KCNH5: variants seen among roughly 807,000 people sequenced by gnomAD.
KCNH5 encodes voltage-gated delayed rectifier potassium channel KCNH5.
In KCNH5, 46 loss-of-function variants were observed where a neutral mutation model predicts 96.1. The observed-to-expected ratio is 0.48, with a 90% confidence interval of 0.38 to 0.61. KCNH5 has a LOEUF of 0.61. Ranked by LOEUF, KCNH5 falls within the 20% of genes least tolerant of loss-of-function variation. The pLI is 0.00. For synonymous variants in KCNH5, 439 were observed against 449.8 expected (o/e 0.98, Z 0.30); for missense variants, 907 against 1,225.8 (o/e 0.74, Z 3.88).
intron 2 of KCNH5, among the ~76,000 whole-genome samples, chr14:63,009,880 G>A (rs1374924280): frequency 6.6e-6 from 1 of 152,080 alleles, no homozygotes; most frequent in Non-Finnish European, 1.5e-5. Context: ...ATCAATTTGA[G>A]GGGTCACAAA....
At chr14:62,932,089 T>C (rs1397585669) in intron 7 of KCNH5, among the ~76,000 whole-genome samples, 1 of 151,792 alleles carries the variant, frequency 6.6e-6, no homozygotes, top group Non-Finnish European at 1.5e-5. Context: ...CCCAATTAGA[T>C]CTCCCTACAT....
rs186314547 is a variant in KCNH5 at position 63,031,341 on chromosome 14, G to A, written c.73+13773C>T. Among the ~76,000 whole-genome samples, 470 of 152,106 alleles carry A rather than the reference G, an allele frequency of 3.1e-3. 2 individuals are homozygous for A. Among genetic ancestry groups the A allele is most frequent in the Non-Finnish European group, 5.3e-3 (361 of 67,994 alleles). ...CTACTACATATTAATTCCTAAAGGA[G>A]TTCATACACAAATCATGGGATCAAT... is the stretch of plus-strand genomic sequence containing the variant. On this transcript the variant is annotated intron_variant, in intron 1 of 10. Coordinates refer to ENST00000322893, the MANE Select transcript of KCNH5 (RefSeq NM_139318.5).
intron 6 of KCNH5, among the ~76,000 whole-genome samples, chr14:62,954,422 C>A (rs766819379): frequency 8.5e-5 from 13 of 152,174 alleles, no homozygotes; most frequent in Admixed American, 3.3e-4. Flanking sequence ...AGGAGCAGAT[C>A]TACTGTCAAT....
chr14:62,713,250 CTG>C lies in KCNH5; in HGVS notation c.2020-4797_2020-4796del, dbSNP rs199862909. Among the ~76,000 whole-genome samples, 1,226 of 151,764 alleles carry C rather than the reference CTG, an allele frequency of 8.1e-3. 16 individuals are homozygous for C. The highest frequency in any genetic ancestry group is 0.028 in the African/African-American group (1,168 of 41,386). On this transcript the variant is annotated intron_variant, in intron 10 of 10. Transcript: ENST00000322893. Reference sequence around the variant, plus strand: ...TTTATAGTTCCTTCACTATGTTCCACTGTCTAAACAAAGAATCAGTGCTATCT... The same window carrying C: ...TTTATAGTTCCTTCACTATGTTCCACTCTAAACAAAGAATCAGTGCTATCT...
At chr14:62,853,693 C>A (rs1170024001) in intron 7 of KCNH5, among the ~76,000 whole-genome samples, 1 of 151,518 alleles carries the variant, frequency 6.6e-6, no homozygotes, top group African/African-American at 2.4e-5. Context: ...TGTTTCCGCT[C>A]CTCATTCAGG....
At chr14:62,878,089 G>GC (rs1888413862) in intron 7 of KCNH5, among the ~76,000 whole-genome samples, 1 of 147,654 alleles carries the variant, frequency 6.8e-6, no homozygotes, top group Non-Finnish European at 1.5e-5. Context: ...GTAAACTATC[G>GC]CAAGGACAAA....
intron 9 of KCNH5, among the ~76,000 whole-genome samples, chr14:62,799,696 TATA>T (rs1886612781): frequency 1.4e-5 from 1 of 72,948 alleles, no homozygotes; most frequent in African/African-American, 7.1e-5. Flanking sequence ...TACCTTTATA[TATA>T]TATATATATA....
At chr14:62,741,190 T>G (rs563002639) in intron 10 of KCNH5, among the ~76,000 whole-genome samples, 1 of 152,254 alleles carries the variant, frequency 6.6e-6, no homozygotes, top group Admixed American at 6.5e-5. Context: ...CACGTATTCC[T>G]TAAGAACTTT....
chr14:62,732,927 T>C (rs1463890729), intron 10 of KCNH5, among the ~76,000 whole-genome samples: 1 of 151,880 alleles, frequency 6.6e-6, no homozygotes, highest in Non-Finnish European at 1.5e-5. Context: ...CTCTCTTCTA[T>C]TCTCTCTCAT....
intron 8 of KCNH5, among the ~76,000 whole-genome samples, chr14:62,843,943 A>G (rs1887641102): frequency 6.6e-6 from 1 of 152,182 alleles, no homozygotes; most frequent in Admixed American, 6.5e-5. Context: ...ACAAAATTAA[A>G]CTGTCAAAAG....
chr14:62,939,720 A>G (rs1185713104), intron 7 of KCNH5, among the ~76,000 whole-genome samples: 2 of 152,102 alleles, frequency 1.3e-5, no homozygotes, highest in Non-Finnish European at 2.9e-5. Flanking sequence ...CGGGTGGATC[A>G]CCTGAGGCCA....
At chr14:62,866,276 T>C (rs887775391) in intron 7 of KCNH5, among the ~76,000 whole-genome samples, 2 of 152,266 alleles carry the variant, frequency 1.3e-5, no homozygotes, top group Non-Finnish European at 2.9e-5. Context: ...AGAGTGTAAG[T>C]TTTGACTTGA....
chr14:62,813,276 T>C (rs1170942190), intron 8 of KCNH5, among the ~76,000 whole-genome samples: 1 of 152,170 alleles, frequency 6.6e-6, no homozygotes, highest in Non-Finnish European at 1.5e-5. Context: ...TAGAATTGTA[T>C]AGTGTAATGA....
At chr14:62,929,974 T>C (rs1889549185) in intron 7 of KCNH5, among the ~76,000 whole-genome samples, 1 of 152,148 alleles carries the variant, frequency 6.6e-6, no homozygotes, top group Non-Finnish European at 1.5e-5. Flanking sequence ...TCATTCTTTT[T>C]TGTGGCTGCA....
At chr14:62,966,969 G>A (rs1339999511) in intron 6 of KCNH5, among the ~76,000 whole-genome samples, 1 of 152,060 alleles carries the variant, frequency 6.6e-6, no homozygotes, top group African/African-American at 2.4e-5. Flanking sequence ...CTTTTACCGT[G>A]GTAAGCAATA....
chr14:62,897,481 C>T (rs1888837086), intron 7 of KCNH5, among the ~76,000 whole-genome samples: 3 of 151,966 alleles, frequency 2.0e-5, no homozygotes, highest in Admixed American at 2.0e-4. Flanking sequence ...GAGTGCTCAA[C>T]CCACACAGAA....
chr14:63,012,198 T>C (rs897119177), intron 2 of KCNH5, among the ~76,000 whole-genome samples: 4 of 152,130 alleles, frequency 2.6e-5, no homozygotes, highest in Non-Finnish European at 5.9e-5. Flanking sequence ...TCTCCCAAAG[T>C]CTATAACCTC....
At position 62,707,724 on chromosome 14, in the gene KCNH5, G is replaced by C. The variant is rs1383182977; in HGVS notation, c.2751C>G (p.Leu917=). The change falls in exon 11 of 11, where the codon CTC becomes CTG. Residue 917 remains leucine (L), a synonymous_variant. Coordinates refer to ENST00000322893, the MANE Select transcript of KCNH5 (RefSeq NM_139318.5). ...QTTLQEVKHE[L]KEDIQLLSCR... ...AGCTGAGCAGCTGGATGTCCTCTTT[G>C]AGTTCGTGTTTGACTTCCTGCAGTG... is the stretch of plus-strand genomic sequence containing the variant. The C allele has an allele frequency of 1.9e-6, 3 of 1,608,826 alleles. No individual in the cohort carries two copies. The highest frequency in any genetic ancestry group is 2.7e-5 in the African/African-American group (2 of 74,788).
chr14:62,762,864 C>T (rs1037194655), intron 10 of KCNH5, among the ~76,000 whole-genome samples: 2 of 152,076 alleles, frequency 1.3e-5, no homozygotes, highest in African/African-American at 4.8e-5. Context: ...ATACACATAC[C>T]CAACACTAAA....
Sources: allele counts gnomAD v4.1 joint callset (sites outside exome capture counted in the v4.1 genomes callset), GRCh38; gene constraint gnomAD v4.1.1; transcripts MANE v1.5; gene names NCBI Gene and HGNC (gene_info 2026-07-23, HGNC 2026-07-21).